Variants in CCDC171 observed in about 807,000 individuals in gnomAD.
The protein encoded by CCDC171 is coiled-coil domain-containing protein 171.
CCDC171 carries 177 observed loss-of-function variants against 168.2 expected under a neutral mutation model. The ratio of observed to expected loss-of-function variants is 1.05; its 90% CI spans 0.93 to 1.19. The LOEUF is 1.19. Among genes scored for constraint, CCDC171 ranks in the 50% most tolerant of loss-of-function variants. The pLI, the probability that CCDC171 is intolerant of heterozygous loss-of-function variation, is 0.00. For synonymous variants in CCDC171, 687 were observed against 540.8 expected (o/e 1.27, Z -3.75); for missense variants, 1,991 against 1,539.0 (o/e 1.29, Z -4.91).
intron 21 of CCDC171, among the ~76,000 whole-genome samples, chr9:15,828,333 G>A (rs575994201): frequency 9.5e-5 from 14 of 147,770 alleles, no homozygotes; most frequent in South Asian, 2.1e-4. Context: ...AGAAGATACA[G>A]AAAAAAAAAA....
At chr9:15,789,847 C>T (rs559954590) in intron 21 of CCDC171, among the ~76,000 whole-genome samples, 271 of 149,566 alleles carry the variant, frequency 1.8e-3, no homozygotes, top group South Asian at 0.017. Flanking sequence ...TGAGAACATG[C>T]GGTGTTTGGT....
At chr9:15,769,413 C>T (rs956316105) in intron 18 of CCDC171, among the ~76,000 whole-genome samples, 5 of 152,148 alleles carry the variant, frequency 3.3e-5, no homozygotes, top group African/African-American at 9.7e-5. Context: ...TAGAATTCAG[C>T]AGAGCTGGGG....
intron 25 of CCDC171, 37 bp downstream of exon 25, chr9:15,920,459 G>A (rs1254406793): frequency 6.9e-7 from 1 of 1,445,484 alleles, no homozygotes; most frequent in Admixed American, 1.9e-5. Flanking sequence ...ATAACTTTTT[G>A]AATCTTGGGT....
intron 7 of CCDC171, among the ~76,000 whole-genome samples, chr9:15,630,276 A>G (rs1216111594): frequency 6.6e-6 from 1 of 152,198 alleles, no homozygotes; most frequent in Non-Finnish European, 1.5e-5. Flanking sequence ...GTATTCAGGA[A>G]ACCCATCTCA....
At chr9:15,731,950 G>A (rs1213301995) in intron 16 of CCDC171, among the ~76,000 whole-genome samples, 1 of 152,016 alleles carries the variant, frequency 6.6e-6, no homozygotes, top group Non-Finnish European at 1.5e-5. Flanking sequence ...AATTCATGAT[G>A]CTGAGCACCT....
At chr9:15,690,937 A>G (rs180872776) in intron 10 of CCDC171, among the ~76,000 whole-genome samples, 1 of 152,206 alleles carries the variant, frequency 6.6e-6, no homozygotes, top group Non-Finnish European at 1.5e-5. Flanking sequence ...AAATAAGTTG[A>G]TAATGCCTAC....
chr9:15,940,716 T>C (rs1379557174), intron 25 of CCDC171, among the ~76,000 whole-genome samples: 1 of 151,878 alleles, frequency 6.6e-6, no homozygotes, highest in Non-Finnish European at 1.5e-5. Flanking sequence ...CTCCTAATTT[T>C]GTGTGGTGGA....
chr9:16,035,560 C>T (rs955990226), intron 7 of CCDC171: 3 of 152,172 alleles, frequency 2.0e-5, no homozygotes, highest in Non-Finnish European at 4.4e-5. Context: ...CTCCAAGTTC[C>T]AAGCATTTAT....
At chr9:15,728,258 C>T (rs890053176) in intron 15 of CCDC171, among the ~76,000 whole-genome samples, 4 of 152,152 alleles carry the variant, frequency 2.6e-5, no homozygotes, top group African/African-American at 9.7e-5. Context: ...GCTCCACTTT[C>T]TGTGCAGGAC....
intron 4 of CCDC171, among the ~76,000 whole-genome samples, chr9:15,590,809 C>G (rs569676214): frequency 7.1e-6 from 1 of 140,142 alleles, no homozygotes; most frequent in Non-Finnish European, 1.6e-5. Flanking sequence ...TTCTTTCTTT[C>G]TTTCTTTCTT....
intron 23 of CCDC171, among the ~76,000 whole-genome samples, chr9:15,858,914 G>T (rs549824386): frequency 6.6e-6 from 1 of 152,148 alleles, no homozygotes; most frequent in African/African-American, 2.4e-5. Context: ...AGGACATTCA[G>T]TGATATGTTG....
chr9:15,693,221 C>T (rs2050952835), intron 10 of CCDC171, among the ~76,000 whole-genome samples: 1 of 151,762 alleles, frequency 6.6e-6, no homozygotes, highest in Non-Finnish European at 1.5e-5. Context: ...CACAGACACA[C>T]ATGCACACAC....
At chr9:16,011,595 G>T (rs1832871018) in intron 3 of CCDC171, among the ~76,000 whole-genome samples, 1 of 152,120 alleles carries the variant, frequency 6.6e-6, no homozygotes, top group African/African-American at 2.4e-5. Context: ...TTTAGTGGCA[G>T]GTCCACAGCC....
intron 9 of CCDC171, among the ~76,000 whole-genome samples, chr9:15,669,723 G>A (rs972086813): frequency 6.6e-6 from 1 of 152,032 alleles, no homozygotes; most frequent in African/African-American, 2.4e-5. Flanking sequence ...AATTTAATTT[G>A]AAACATCATT....
At chr9:15,569,862 A>G (rs555836822) in intron 2 of CCDC171, among the ~76,000 whole-genome samples, 61 of 151,248 alleles carry the variant, frequency 4.0e-4, no homozygotes, top group African/African-American at 1.4e-3. Context: ...AAAAATTTCT[A>G]TTTTTCATCT....
chr9:15,943,315 C>T lies in CCDC171; in HGVS notation c.3753+22893C>T, dbSNP rs186364466. Among the ~76,000 whole-genome samples the T allele has an allele frequency of 2.6e-5, 4 of 152,040 alleles. No homozygotes were observed. The East Asian group carries it at 5.8e-4, about 22-fold the overall frequency. On this transcript the variant is annotated intron_variant, in intron 25 of 25. Transcript: ENST00000380701. ...TTTAGATCTGTGCCAGAAAAAAACA[C>T]TTATTTATGATTTAGAACTTATGAG...
At chr9:15,781,609 C>T (rs1284201463) in intron 20 of CCDC171, among the ~76,000 whole-genome samples, 3 of 152,054 alleles carry the variant, frequency 2.0e-5, no homozygotes, top group Non-Finnish European at 4.4e-5. Flanking sequence ...GACAGGGTTT[C>T]ACCATGTTGG....
At chr9:15,782,398 T>G (rs369550814) in intron 20 of CCDC171, among the ~76,000 whole-genome samples, 87 of 152,340 alleles carry the variant, frequency 5.7e-4, no homozygotes, top group African/African-American at 1.9e-3. Context: ...TTGATTTTAT[T>G]TACTTTACAG....
intron 21 of CCDC171, among the ~76,000 whole-genome samples, chr9:15,844,516 TCTC>T (rs768594708): frequency 2.6e-5 from 4 of 152,090 alleles, no homozygotes; most frequent in Non-Finnish European, 5.9e-5. Context: ...ATGATGTCAT[TCTC>T]CTCTTTTCAA....
Sources: allele counts gnomAD v4.1 joint callset (sites outside exome capture counted in the v4.1 genomes callset), GRCh38; gene constraint gnomAD v4.1.1; transcripts MANE v1.5; gene names NCBI Gene and HGNC (gene_info 2026-07-23, HGNC 2026-07-21).